HCN1: variants seen among roughly 807,000 people sequenced by gnomAD.
HCN1 encodes potassium/sodium hyperpolarization-activated cyclic nucleotide-gated channel 1.
Under a neutral mutation model 78.9 loss-of-function variants are expected in HCN1, and 13 were observed. The observed-to-expected ratio is 0.16, with a 90% confidence interval of 0.11 to 0.26. HCN1 has a LOEUF of 0.26. HCN1 is among the 10% of genes least tolerant of loss of function. HCN1 has a pLI of 1.00. For synonymous variants in HCN1, 552 were observed against 455.5 expected, an observed-to-expected ratio of 1.21 and a Z score of -2.70; for missense variants, 810 against 1,154.3, an observed-to-expected ratio of 0.70 and a Z score of 4.32.
rs141937742 is a variant in HCN1 at position 45,541,317 on chromosome 5, G to C, written c.850-79310C>G. Among the ~76,000 whole-genome samples, 48 of 152,244 alleles carry C rather than the reference G, an allele frequency of 3.2e-4. 1 individual carries two copies. In the East Asian group the frequency reaches 7.1e-3, roughly 23 times the overall value. On this transcript the variant is annotated intron_variant, in intron 2 of 7. Coordinates refer to ENST00000303230, the MANE Select transcript of HCN1 (RefSeq NM_021072.4). Reference sequence around the variant, plus strand: ...ATTATCACCAGATCTCCAGAGCTCTGTTCTCTAGTTATCCTGAACATGACT... The same window carrying C: ...ATTATCACCAGATCTCCAGAGCTCTCTTCTCTAGTTATCCTGAACATGACT...
At chr5:45,289,589 C>T (rs1745332244) in intron 6 of HCN1, among the ~76,000 whole-genome samples, 1 of 152,014 alleles carries the variant, frequency 6.6e-6, no homozygotes, top group South Asian at 2.1e-4. Flanking sequence ...AGGATGAATA[C>T]ATCTGCTGAA....
At chr5:45,545,213 T>C (rs1309105858) in intron 2 of HCN1, among the ~76,000 whole-genome samples, 1 of 152,240 alleles carries the variant, frequency 6.6e-6, no homozygotes, top group African/African-American at 2.4e-5. Context: ...TGATGAGCAT[T>C]TTTTCATGTG....
chr5:45,349,089 C>T (rs1244428273), intron 5 of HCN1, among the ~76,000 whole-genome samples: 3 of 152,112 alleles, frequency 2.0e-5, no homozygotes, highest in Non-Finnish European at 4.4e-5. Flanking sequence ...AGCACCACAC[C>T]ACACCTCTTC....
At chr5:45,676,246 T>G (rs919324922) in intron 1 of HCN1, among the ~76,000 whole-genome samples, 1 of 151,750 alleles carries the variant, frequency 6.6e-6, no homozygotes, top group African/African-American at 2.4e-5. Flanking sequence ...TATGACATCT[T>G]CAGGAAATCA....
intron 3 of HCN1, among the ~76,000 whole-genome samples, chr5:45,435,278 G>GTATTTTATTCTTCTGATATATCTC (rs1309505515): frequency 6.6e-6 from 1 of 151,894 alleles, no homozygotes; most frequent in Admixed American, 6.6e-5. Context: ...TGTTATCATG[G>GTATTTTATTCTTCTGATATATCTC]TATTTTATTC....
chr5:45,465,389 C>T (rs1164024365), intron 2 of HCN1, among the ~76,000 whole-genome samples: 1 of 152,050 alleles, frequency 6.6e-6, no homozygotes, highest in African/African-American at 2.4e-5. Context: ...AGGCTCTCTT[C>T]CCCGACTAGC....
intron 3 of HCN1, among the ~76,000 whole-genome samples, chr5:45,452,353 G>T (rs1158648845): frequency 6.6e-6 from 1 of 150,542 alleles, no homozygotes. Flanking sequence ...TAGGTTCCAG[G>T]GTACATATGC....
intron 3 of HCN1, among the ~76,000 whole-genome samples, chr5:45,412,252 C>T (rs1740038488): frequency 6.6e-6 from 1 of 152,114 alleles, no homozygotes; most frequent in Non-Finnish European, 1.5e-5. Flanking sequence ...ATTTCATCTT[C>T]ACTTTTCTTT....
rs773394131 is a variant in HCN1, at chr5:45,396,746, A to T, written c.1012-36T>A. The T allele has an allele frequency of 1.4e-5, 22 of 1,519,728 alleles. No individual in the cohort carries two copies. In the African/African-American group the frequency reaches 1.9e-4, roughly 13 times the overall value. 94.1% of individuals were successfully genotyped at this position (1,519,728 alleles called of 1,614,324 possible). ...AGATAAAAAGAAAATTGACTGAGCC[A>T]TTAGGATGGCAGAATGAAAAGTGAG... On this transcript the variant is annotated intron_variant, in intron 3 of 7. Coordinates refer to ENST00000303230, the MANE Select transcript of HCN1 (RefSeq NM_021072.4).
intron 4 of HCN1, among the ~76,000 whole-genome samples, chr5:45,375,036 A>C (rs1442543428): frequency 7.5e-6 from 1 of 133,234 alleles, no homozygotes; most frequent in Admixed American, 9.1e-5. Context: ...TTCAGTATAT[A>C]CTCAAAGGAA....
At position 45,523,282 on chromosome 5, in the gene HCN1, C is replaced by A. The variant is rs1350770014; in HGVS notation, c.850-61275G>T. Among the ~76,000 whole-genome samples the A allele has an allele frequency of 5.3e-5, 8 of 151,970 alleles. No homozygotes were observed. The South Asian group carries it at 6.2e-4, about 12-fold the overall frequency. On this transcript the variant is annotated intron_variant, in intron 2 of 7. Coordinates refer to ENST00000303230, the MANE Select transcript of HCN1 (RefSeq NM_021072.4). ...ATTGTTGGACATTTGGGTTGGTTCC[C>A]AGTCTTTGCTATTGTGAATAGTGCC...
chr5:45,307,577 G>C (rs1429126440), intron 5 of HCN1, among the ~76,000 whole-genome samples: 1 of 151,968 alleles, frequency 6.6e-6, no homozygotes, highest in Non-Finnish European at 1.5e-5. Flanking sequence ...TTTTAATCAT[G>C]ACAAAACCAT....
At chr5:45,365,944 C>A (rs766110859) in intron 4 of HCN1, among the ~76,000 whole-genome samples, 5 of 151,740 alleles carry the variant, frequency 3.3e-5, no homozygotes, top group Non-Finnish European at 7.4e-5. Flanking sequence ...AATGACCTCC[C>A]ATTTAATTTC....
At chr5:45,599,687 G>A (rs1240257744) in intron 2 of HCN1, among the ~76,000 whole-genome samples, 1 of 152,026 alleles carries the variant, frequency 6.6e-6, no homozygotes, top group Non-Finnish European at 1.5e-5. Flanking sequence ...TAATAGTCGA[G>A]TTGCTTTTTA....
intron 2 of HCN1, among the ~76,000 whole-genome samples, chr5:45,593,144 A>T (rs1403304458): frequency 6.6e-6 from 1 of 152,124 alleles, no homozygotes; most frequent in Non-Finnish European, 1.5e-5. Flanking sequence ...TTCTGTACAT[A>T]CCTTTTCTTA....
chr5:45,323,561 T>C (rs1476629626), intron 5 of HCN1, among the ~76,000 whole-genome samples: 1 of 151,934 alleles, frequency 6.6e-6, no homozygotes, highest in East Asian at 1.9e-4. Context: ...TTTTCTTTTT[T>C]TTCATTTTTT....
intron 5 of HCN1, among the ~76,000 whole-genome samples, chr5:45,316,840 A>G (rs1041078965): frequency 6.6e-6 from 1 of 152,200 alleles, no homozygotes; most frequent in African/African-American, 2.4e-5. Flanking sequence ...TAAAATACCT[A>G]GGAATCCAAT....
chr5:45,367,769 A>C (rs1747265739), intron 4 of HCN1, among the ~76,000 whole-genome samples: 2 of 151,950 alleles, frequency 1.3e-5, no homozygotes, highest in African/African-American at 2.4e-5. Flanking sequence ...CTACCTTATT[A>C]AAATTAGAAC....
chr5:45,297,169 G>A (rs1419378255), intron 6 of HCN1, among the ~76,000 whole-genome samples: 1 of 152,042 alleles, frequency 6.6e-6, no homozygotes, highest in Non-Finnish European at 1.5e-5. Flanking sequence ...ATCTCTTATG[G>A]GAAACGAAGA....
Sources: allele counts gnomAD v4.1 joint callset (sites outside exome capture counted in the v4.1 genomes callset), GRCh38; gene constraint gnomAD v4.1.1; transcripts MANE v1.5; gene names NCBI Gene and HGNC (gene_info 2026-07-23, HGNC 2026-07-21).